Variants in STK3 observed in about 807,000 individuals in gnomAD.
The protein encoded by STK3 is serine/threonine kinase 3.
Under a neutral mutation model 58.0 loss-of-function variants are expected in STK3, and 41 were observed. The ratio of observed to expected loss-of-function variants is 0.71; its 90% confidence interval spans 0.55 to 0.92. The LOEUF is 0.92. STK3 is among the 40% of genes least tolerant of loss of function. STK3 has a pLI of 0.00. For missense variants in STK3, 479 were observed against 602.7 expected (o/e 0.79, Z 2.15); for synonymous variants, 170 against 191.0 (o/e 0.89, Z 0.91).
chr8:98,502,342 C>T (rs1042250206), intron 10 of STK3, among the ~76,000 whole-genome samples: 2 of 151,770 alleles, frequency 1.3e-5, no homozygotes, highest in African/African-American at 2.4e-5. Context: ...ACAATCATGT[C>T]GTCTGCAAAC....
At chr8:98,349,574 C>G in the STK3 span, among the ~76,000 whole-genome samples, 33 of 152,258 alleles carry the variant, frequency 2.2e-4, no homozygotes, top group Admixed American at 1.6e-3. Flanking sequence ...CATTTCCTTT[C>G]TGCACTGCCC....
At chr8:98,471,581 T>C (rs1428178758) in intron 10 of STK3, among the ~76,000 whole-genome samples, 1 of 152,184 alleles carries the variant, frequency 6.6e-6, no homozygotes, top group Non-Finnish European at 1.5e-5. Flanking sequence ...TTTCATGTAA[T>C]TTATTGAATA....
At chr8:98,928,536 C>A (rs1243207350) in intron 1 of STK3, among the ~76,000 whole-genome samples, 1 of 152,130 alleles carries the variant, frequency 6.6e-6, no homozygotes, top group Non-Finnish European at 1.5e-5. Flanking sequence ...GTTATTCCAC[C>A]TTTGACTAGT....
intron 4 of STK3, among the ~76,000 whole-genome samples, chr8:98,710,913 C>T (rs1469130016): frequency 6.6e-6 from 1 of 152,192 alleles, no homozygotes; most frequent in Non-Finnish European, 1.5e-5. Context: ...TGACACCTCA[C>T]ACAGCCCGGT....
chr8:98,595,783 G>A (rs1815769220), intron 7 of STK3: 1 of 345,726 alleles, frequency 2.9e-6, no homozygotes, highest in Non-Finnish European at 5.3e-6. Flanking sequence ...AAAAAAACAT[G>A]AGAAATAGTA....
intron 6 of STK3, among the ~76,000 whole-genome samples, chr8:98,686,470 T>C (rs1338307610): frequency 6.6e-6 from 1 of 152,218 alleles, no homozygotes; most frequent in Non-Finnish European, 1.5e-5. Context: ...CATGAGAAGA[T>C]ACACATTTAC....
chr8:98,822,495 T>C (rs1338887362), intron 1 of STK3, among the ~76,000 whole-genome samples: 1 of 152,136 alleles, frequency 6.6e-6, no homozygotes, highest in Non-Finnish European at 1.5e-5. Context: ...CTTCTGGATA[T>C]CTAAAATTTT....
intron 4 of STK3, among the ~76,000 whole-genome samples, chr8:98,743,008 G>C (rs1291118638): frequency 2.2e-4 from 34 of 151,754 alleles, no homozygotes. Flanking sequence ...AAATACCTAG[G>C]AATCCAACTT....
chr8:98,928,330 G>A (rs1405247463), intron 1 of STK3, among the ~76,000 whole-genome samples: 1 of 152,124 alleles, frequency 6.6e-6, no homozygotes, highest in Non-Finnish European at 1.5e-5. Flanking sequence ...TCAATACCTG[G>A]ATTTATAGCA....
intron 1 of STK3, among the ~76,000 whole-genome samples, chr8:98,387,781 C>G (rs1043912389): frequency 6.6e-6 from 1 of 151,894 alleles, no homozygotes; most frequent in Admixed American, 6.6e-5. Context: ...AGACAACAAC[C>G]TACCTAGTAA....
intron 9 of STK3, among the ~76,000 whole-genome samples, chr8:98,539,406 G>A (rs1586812389): frequency 6.6e-6 from 1 of 152,096 alleles, no homozygotes; most frequent in South Asian, 2.1e-4. Flanking sequence ...TTTTGTCTAG[G>A]AACAATGGAT....
intron 8 of STK3, among the ~76,000 whole-genome samples, chr8:98,577,013 A>G (rs1019900174): frequency 2.0e-5 from 3 of 152,228 alleles, no homozygotes; most frequent in African/African-American, 7.2e-5. Context: ...TATTAGGTAT[A>G]TAAGCAAAAA....
chr8:98,657,963 T>C (rs1436742327), intron 6 of STK3, among the ~76,000 whole-genome samples: 1 of 151,988 alleles, frequency 6.6e-6, no homozygotes, highest in Non-Finnish European at 1.5e-5. Context: ...ATTTAATATA[T>C]AAAGAAAGTA....
intron 10 of STK3, among the ~76,000 whole-genome samples, chr8:98,470,973 T>C (rs998095945): frequency 2.0e-5 from 3 of 152,154 alleles, no homozygotes; most frequent in African/African-American, 7.2e-5. Flanking sequence ...AATTAAATGA[T>C]CCTAAATCAA....
At chr8:98,579,273 G>A (rs1306452058) in intron 8 of STK3, among the ~76,000 whole-genome samples, 1 of 152,076 alleles carries the variant, frequency 6.6e-6, no homozygotes, top group Non-Finnish European at 1.5e-5. Flanking sequence ...AATATGCTAG[G>A]CCTTTTTATG....
chr8:98,597,489 TCAAA>T (rs911724453), intron 6 of STK3: 1 of 985,224 alleles, frequency 1.0e-6, no homozygotes, highest in Admixed American at 6.2e-5. Context: ...CATCTTTCAA[TCAAA>T]CAAATATTTA....
intron 4 of STK3, among the ~76,000 whole-genome samples, chr8:98,727,715 A>G (rs1421291480): frequency 6.6e-6 from 1 of 152,226 alleles, no homozygotes; most frequent in Non-Finnish European, 1.5e-5. Flanking sequence ...TAGAATAAAC[A>G]TATTTTTTAA....
At chr8:98,356,929 G>A in the STK3 span, among the ~76,000 whole-genome samples, 1 of 152,146 alleles carries the variant, frequency 6.6e-6, no homozygotes, top group African/African-American at 2.4e-5. Context: ...TGGCCAGCTG[G>A]CACTTACTTC....
At chr8:98,898,980 G>T (rs1310469959) in intron 1 of STK3, among the ~76,000 whole-genome samples, 1 of 152,212 alleles carries the variant, frequency 6.6e-6, no homozygotes, top group Non-Finnish European at 1.5e-5. Context: ...GTGCTTTCCA[G>T]AATGGGTTGG....
Sources: allele counts gnomAD v4.1 joint callset (sites outside exome capture counted in the v4.1 genomes callset), GRCh38; gene constraint gnomAD v4.1.1; transcripts MANE v1.5; gene names NCBI Gene and HGNC (gene_info 2026-07-23, HGNC 2026-07-21).